The following NPL variants were observed in gnomAD, a reference collection of about 807,000 sequenced individuals.
The protein encoded by NPL is N-acetylneuraminate lyase.
NPL carries 32 observed loss-of-function variants against 41.1 expected under a neutral mutation model. The observed-to-expected ratio is 0.78, with a 90% confidence interval of 0.59 to 1.05. The LOEUF (loss-of-function observed/expected upper bound fraction) is 1.05, where lower values mean the gene tolerates loss of function less well. Ranked by LOEUF, NPL falls within the 50% of genes least tolerant of loss-of-function variation. The probability of loss-of-function intolerance (pLI) is 0.00; values close to 1 mark genes in which losing one functional copy is unlikely to be tolerated. For missense variants in NPL, 321 were observed against 378.4 expected (o/e 0.85, Z 1.26); for synonymous variants, 128 against 134.9 (o/e 0.95, Z 0.35).
intron 8 of NPL, among the ~76,000 whole-genome samples, chr1:182,817,267 A>G (rs771329445): frequency 6.6e-6 from 1 of 152,194 alleles, no homozygotes; most frequent in Non-Finnish European, 1.5e-5. Flanking sequence ...AATTAGCTGA[A>G]ATTTCTTAGA....
At chr1:182,802,293 T>C (rs897669980) in intron 3 of NPL, among the ~76,000 whole-genome samples, 5 of 152,248 alleles carry the variant, frequency 3.3e-5, no homozygotes, top group Admixed American at 2.0e-4. Flanking sequence ...AGTGGCAGGC[T>C]CAGGCCTGCT....
chr1:182,818,485 G>A, intron 8 of NPL, 56 bp from the exon 9 acceptor site: 2 of 1,604,210 alleles, frequency 1.2e-6, no homozygotes, highest in Non-Finnish European at 1.7e-6. Flanking sequence ...GACACTATAT[G>A]AGATGTTATT....
chr1:182,791,520 C>G (rs1666514957), intron 1 of NPL, among the ~76,000 whole-genome samples: 1 of 152,196 alleles, frequency 6.6e-6, no homozygotes, highest in South Asian at 2.1e-4. Context: ...GAAGATTAAT[C>G]TGACAGCTGG....
intron 3 of NPL, among the ~76,000 whole-genome samples, chr1:182,797,540 C>T (rs1666710397): frequency 6.6e-6 from 1 of 152,212 alleles, no homozygotes; most frequent in African/African-American, 2.4e-5. Context: ...CACCATACCT[C>T]TTCTGCCTTT....
intron 3 of NPL, among the ~76,000 whole-genome samples, chr1:182,796,637 C>G (rs1205015381): frequency 6.6e-6 from 1 of 152,124 alleles, no homozygotes; most frequent in Non-Finnish European, 1.5e-5. Context: ...GGGTAGCTGG[C>G]AGAAAGAACA....
rs569676548 is a variant in NPL, at chr1:182,812,297, A to G, written c.288+84A>G. 5.0e-5 allele frequency: 59 copies of G among 1,168,648 alleles called. 1 individual carries two copies. In the African/African-American group the frequency reaches 7.7e-4, roughly 15 times the overall value. The allele number at this position is 1,168,648 out of a possible 1,614,324, so 72.4% of individuals were successfully genotyped here. On this transcript the variant is annotated intron_variant, in intron 6 of 12. Coordinates refer to ENST00000367553, the MANE Select transcript of NPL (RefSeq NM_030769.3). Reference sequence around the variant, plus strand: ...AGTTAAAATCAGTACTATATTTGCTATGTAGTAGATGGTGTGCCTGAAGAA... The same window carrying G: ...AGTTAAAATCAGTACTATATTTGCTGTGTAGTAGATGGTGTGCCTGAAGAA...
intron 5 of NPL, among the ~76,000 whole-genome samples, chr1:182,806,912 C>T (rs1030591778): frequency 2.6e-5 from 4 of 152,138 alleles, no homozygotes; most frequent in African/African-American, 4.8e-5. Flanking sequence ...GATCTCAGCT[C>T]GCTGCAACCT....
chr1:182,815,286 C>A (rs1357735325), intron 7 of NPL, among the ~76,000 whole-genome samples: 1 of 152,190 alleles, frequency 6.6e-6, no homozygotes, highest in African/African-American at 2.4e-5. Context: ...CAGAAATATT[C>A]ATTGCCTTCT....
chr1:182,800,454 A>C (rs1384266327), intron 3 of NPL, among the ~76,000 whole-genome samples: 5 of 148,846 alleles, frequency 3.4e-5, no homozygotes, highest in Admixed American at 6.7e-5. Flanking sequence ...AAAAAAAAAA[A>C]AAAAAACGGA....
At chr1:182,807,720 CAAAAAAAAAAAA>C (rs753955697) in intron 5 of NPL, among the ~76,000 whole-genome samples, 1 of 55,432 alleles carries the variant, frequency 1.8e-5, no homozygotes, top group Non-Finnish European at 3.9e-5. Flanking sequence ...ACTAAAAATA[CAAAAAAAAAAAA>C]AAAAAAAAAT....
At chr1:182,807,906 AAAAG>A (rs1434013959) in intron 5 of NPL, among the ~76,000 whole-genome samples, 1 of 151,122 alleles carries the variant, frequency 6.6e-6, no homozygotes, top group Non-Finnish European at 1.5e-5. Context: ...AAAAAAAAAA[AAAAG>A]AACAGTACCA....
chr1:182,810,708 T>C (rs1197825103), intron 5 of NPL, among the ~76,000 whole-genome samples: 1 of 152,128 alleles, frequency 6.6e-6, no homozygotes. Flanking sequence ...GTTTTTTTTT[T>C]CTTTAAGTCT....
intron 12 of NPL, chr1:182,826,815 T>C (rs904414496): frequency 1.3e-5 from 2 of 152,178 alleles, no homozygotes; most frequent in African/African-American, 4.8e-5. Flanking sequence ...TCCCCCCTTA[T>C]CTCAGGGGGA....
At chr1:182,813,161 A>T (rs1353389947) in intron 6 of NPL, among the ~76,000 whole-genome samples, 1 of 151,916 alleles carries the variant, frequency 6.6e-6, no homozygotes, top group Admixed American at 6.6e-5. Context: ...TCAAAAAAAA[A>T]AAAAAAAAGC....
rs1353656437 is a variant in NPL at position 182,806,251 on chromosome 1, A to C, written c.230+19A>C. ...AGGACAAGTGAGTGGCTGCATGAGG[A>C]TAAAAATGCCCTTTGGCAACAGCTG... On this transcript the variant is annotated intron_variant, in intron 5 of 12. Transcript: ENST00000367553. 1.2e-6 allele frequency: 2 copies of C among 1,614,054 alleles called. No individual in the cohort carries two copies. Among genetic ancestry groups the C allele is most frequent in the African/African-American group, 2.7e-5 (2 of 74,940 alleles).
chr1:182,800,203 A>C (rs1353383245), intron 3 of NPL, among the ~76,000 whole-genome samples: 1 of 152,088 alleles, frequency 6.6e-6, no homozygotes, highest in East Asian at 1.9e-4. Flanking sequence ...TGGGAGGCCG[A>C]GGCAGGCAGA....
intron 3 of NPL, among the ~76,000 whole-genome samples, chr1:182,802,528 T>C (rs1557942843): frequency 6.6e-6 from 1 of 152,218 alleles, no homozygotes. Context: ...AGAATGTTAA[T>C]AAGGCCAAAC....
intron 5 of NPL, 22 bp from the exon 6 acceptor site, chr1:182,812,134 A>G (rs776351187): frequency 6.2e-6 from 10 of 1,613,142 alleles, no homozygotes; most frequent in Non-Finnish European, 8.5e-6. Flanking sequence ...TAAGCGATGC[A>G]GCAGTGTTTT....
At position 182,818,686 on chromosome 1, in the gene NPL, T is replaced by C; in HGVS notation, c.603T>C (p.Asp201=). ...AGTTTGCTTTCCTTTTTGGGGTGGA[T>C]GAGGTAAGTCACCCCCTAGCATGTT... ...QQQFAFLFGV[D]EQLLSALVMG... Residue 201 remains aspartate, a synonymous_variant, in exon 9 of 13, where the codon GAT becomes GAC. Transcript: ENST00000367553. 2 of 1,614,210 alleles carry C rather than the reference T, an allele frequency of 1.2e-6. No homozygotes were observed. Among genetic ancestry groups the C allele is most frequent in the Non-Finnish European group, 1.7e-6 (2 of 1,180,036 alleles).
Sources: gnomAD v4.1 joint callset for allele counts (sites outside exome capture counted in the v4.1 genomes callset) on GRCh38, gnomAD v4.1.1 for gene constraint, MANE v1.5 for transcripts, NCBI Gene and HGNC (gene_info 2026-07-23, HGNC 2026-07-21) for gene names.